Variants in E2F5 observed in about 807,000 individuals in gnomAD.
The protein encoded by E2F5 is transcription factor E2F5.
A neutral mutation model predicts 39.1 loss-of-function variants in E2F5; 23 were observed. That is an observed-to-expected ratio of 0.59 (90% CI 0.42 to 0.83). E2F5 has a LOEUF of 0.83. Ranked by LOEUF, E2F5 falls within the 40% of genes least tolerant of loss-of-function variation. The pLI is 0.00. For missense variants in E2F5, 365 were observed against 406.7 expected, an observed-to-expected ratio of 0.90 and a Z score of 0.88; for synonymous variants, 145 against 157.8, an observed-to-expected ratio of 0.92 and a Z score of 0.61.
intron 6 of E2F5, among the ~76,000 whole-genome samples, chr8:85,210,207 G>C (rs1812886459): frequency 6.6e-6 from 1 of 152,142 alleles, no homozygotes; most frequent in South Asian, 2.1e-4. Context: ...AATCCAAATT[G>C]TTTATTTTAC....
chr8:85,209,141 G>C lies in E2F5; in HGVS notation c.616-1G>C, dbSNP rs766282522. On this transcript the variant is annotated splice_acceptor_variant, in intron 5 of 7. Transcript: ENST00000416274. LOFTEE classifies it high-confidence loss of function. ...TTTGTTTATACCCAATAACTTCAAA[G>C]GGTCAGAATGGACAAAAGAAATACC... 1 of 1,613,028 alleles carries C rather than the reference G, an allele frequency of 6.2e-7. No homozygotes were observed.
chr8:85,194,011 G>A (rs2129682871), intron 1 of E2F5, among the ~76,000 whole-genome samples: 1 of 152,154 alleles, frequency 6.6e-6, no homozygotes, highest in African/African-American at 2.4e-5. Flanking sequence ...CTCATTAAAA[G>A]TTTGAAAACT....
Position 85,207,499 on chromosome 8 carries a change from A to C in E2F5, c.615+10A>C, listed in dbSNP as rs553961665. 6.5e-7 allele frequency: 1 copy of C among 1,550,092 alleles called. No homozygotes were observed. The highest frequency in any genetic ancestry group is 2.4e-5 in the East Asian group (1 of 41,336). ...ACCCATTCCAGAAATGGTATGTAGG[A>C]TAACTTATGTTTATATAAGTGGGAA... On this transcript the variant is annotated intron_variant, in intron 5 of 7. Coordinates refer to ENST00000416274, the MANE Select transcript of E2F5 (RefSeq NM_001951.4).
At chr8:85,196,736 G>C (rs907098425) in intron 1 of E2F5, among the ~76,000 whole-genome samples, 11 of 152,148 alleles carry the variant, frequency 7.2e-5, no homozygotes, top group Admixed American at 2.0e-4. Flanking sequence ...GAACACTAAA[G>C]CTGCCATGAG....
At chr8:85,197,612 C>G (rs902496586) in intron 1 of E2F5, among the ~76,000 whole-genome samples, 14 of 152,144 alleles carry the variant, frequency 9.2e-5, no homozygotes, top group Non-Finnish European at 1.9e-4. Context: ...GAAGGGAGAT[C>G]TAATTCTTTC....
chr8:85,204,350 T>C (rs963570672), intron 3 of E2F5, among the ~76,000 whole-genome samples: 2 of 152,154 alleles, frequency 1.3e-5, no homozygotes, highest in African/African-American at 4.8e-5. Flanking sequence ...ATCCTGGGAC[T>C]AGCCACTTCT....
At position 85,209,154 on chromosome 8, in the gene E2F5, C is replaced by G; in HGVS notation, c.628C>G (p.Gln210Glu). ...AATAACTTCAAAGGGTCAGAATGGACAAAAGAAATACCAGATCAATCTAAA... is the reference window on the plus strand; with the variant it reads ...AATAACTTCAAAGGGTCAGAATGGAGAAAAGAAATACCAGATCAATCTAAA... ...VPIPEMGQNG[Q>E]KKYQINLKSH... is the part of the protein sequence containing the mutation. Residue 210 changes from glutamine to glutamate, a missense_variant, in exon 6 of 8, where the codon CAA (glutamine) becomes GAA (glutamate). By Grantham distance (29) the Gln-to-Glu change is conservative (BLOSUM62 2). Transcript: ENST00000416274. 1 of 1,613,830 alleles carries G rather than the reference C, an allele frequency of 6.2e-7. No individual in the cohort carries two copies. Among genetic ancestry groups the G allele is most frequent in the Non-Finnish European group, 8.5e-7 (1 of 1,179,790 alleles).
At position 85,193,131 on chromosome 8, in the gene E2F5, T is replaced by C. The variant is rs4150898; in HGVS notation, c.235-9016T>C. On this transcript the variant is annotated intron_variant, in intron 1 of 7. Coordinates refer to ENST00000416274, the MANE Select transcript of E2F5 (RefSeq NM_001951.4). ...CTAATTTTTTTTATATTTTACAAAT[T>C]TGAAAAGTAATGAATAGTATTTTTT... Among the ~76,000 whole-genome samples, 160 of 152,322 alleles carry C rather than the reference T, an allele frequency of 1.1e-3. No individual in the cohort carries two copies. The South Asian group carries it at 0.03, about 29-fold the overall frequency.
At chr8:85,199,267 C>A (rs1030944308) in intron 1 of E2F5, among the ~76,000 whole-genome samples, 1 of 152,052 alleles carries the variant, frequency 6.6e-6, no homozygotes, top group Non-Finnish European at 1.5e-5. Flanking sequence ...GCTTCCTCTG[C>A]CCAGAATGCT....
chr8:85,202,289 CT>C, intron 2 of E2F5, 33 bp downstream of exon 2: 2 of 991,728 alleles, frequency 2.0e-6, no homozygotes, highest in Admixed American at 2.7e-5. Flanking sequence ...CTTCTGAAAC[CT>C]TTTTTCTTCT....
intron 1 of E2F5, among the ~76,000 whole-genome samples, chr8:85,195,641 C>A (rs1008657005): frequency 6.6e-6 from 1 of 151,908 alleles, no homozygotes; most frequent in Non-Finnish European, 1.5e-5. Context: ...AGGCACGTAC[C>A]AACTTGTCTG....
intron 1 of E2F5, among the ~76,000 whole-genome samples, chr8:85,191,932 G>A (rs1812475518): frequency 6.6e-6 from 1 of 152,190 alleles, no homozygotes; most frequent in Non-Finnish European, 1.5e-5. Context: ...CCAAGAGGTA[G>A]AGAAACATGT....
intron 2 of E2F5, among the ~76,000 whole-genome samples, chr8:85,202,809 A>G (rs1812722427): frequency 6.6e-6 from 1 of 152,170 alleles, no homozygotes; most frequent in South Asian, 2.1e-4. Flanking sequence ...ACTGCTGAGC[A>G]CACTCTTTTG....
At chr8:85,184,605 A>G (rs916709724) in intron 1 of E2F5, among the ~76,000 whole-genome samples, 1 of 152,240 alleles carries the variant, frequency 6.6e-6, no homozygotes, top group Non-Finnish European at 1.5e-5. Context: ...ATGATTGTAT[A>G]TTTAGAAAAC....
intron 6 of E2F5, among the ~76,000 whole-genome samples, chr8:85,210,908 G>A (rs1032549098): frequency 6.6e-6 from 1 of 152,172 alleles, no homozygotes; most frequent in Non-Finnish European, 1.5e-5. Flanking sequence ...GAATTTCAGA[G>A]TAGTTAGGAC....
intron 6 of E2F5, among the ~76,000 whole-genome samples, chr8:85,211,646 T>G (rs201372525): frequency 8.0e-4 from 98 of 123,054 alleles, no homozygotes; most frequent in East Asian, 2.0e-3. Flanking sequence ...TGTTGTTGTT[T>G]TTTTTTTTTT....
chr8:85,191,605 G>T (rs530688897), intron 1 of E2F5, among the ~76,000 whole-genome samples: 1 of 151,980 alleles, frequency 6.6e-6, no homozygotes, highest in African/African-American at 2.4e-5. Context: ...CTACATTTCT[G>T]GTCATTTGTG....
At chr8:85,197,291 G>T (rs1008059353) in intron 1 of E2F5, among the ~76,000 whole-genome samples, 3 of 152,144 alleles carry the variant, frequency 2.0e-5, no homozygotes, top group African/African-American at 7.2e-5. Context: ...CAACATCATG[G>T]TCCATCAGAA....
At chr8:85,210,655 G>A (rs987883654) in intron 6 of E2F5, among the ~76,000 whole-genome samples, 1 of 149,982 alleles carries the variant, frequency 6.7e-6, no homozygotes, top group Non-Finnish European at 1.5e-5. Context: ...CAGTCTGGGC[G>A]ACAGAGTAAG....
Sources: gnomAD v4.1 joint callset for allele counts (sites outside exome capture counted in the v4.1 genomes callset) on GRCh38, gnomAD v4.1.1 for gene constraint, MANE v1.5 for transcripts, NCBI Gene and HGNC (gene_info 2026-07-23, HGNC 2026-07-21) for gene names.